The following PGM5 variants were observed in gnomAD, a reference collection of about 807,000 sequenced individuals.
The protein encoded by PGM5 is phosphoglucomutase-like protein 5.
PGM5 carries 23 observed loss-of-function variants against 59.2 expected under a neutral mutation model. The observed-to-expected ratio is 0.39, with a 90% CI of 0.28 to 0.55. PGM5 has a LOEUF of 0.55. Among genes scored for constraint, PGM5 ranks in the 20% least tolerant of loss-of-function variants. PGM5 has a pLI of 0.66. For missense variants in PGM5, 574 were observed against 748.3 expected (o/e 0.77, Z 2.72); for synonymous variants, 214 against 286.0 (o/e 0.75, Z 2.54).
At chr9:68,373,825 C>T (rs4014853) in intron 1 of PGM5, among the ~76,000 whole-genome samples, 2 of 152,040 alleles carry the variant, frequency 1.3e-5, no homozygotes, top group South Asian at 4.1e-4. Context: ...GGATGGGGAC[C>T]CAGTTTCCTT....
chr9:68,433,442 T>G (rs1823389929), intron 6 of PGM5, among the ~76,000 whole-genome samples: 1 of 152,250 alleles, frequency 6.6e-6, no homozygotes, highest in Non-Finnish European at 1.5e-5. Flanking sequence ...TAATTTTTTT[T>G]CTGATTAAGC....
At chr9:68,429,641 C>T (rs565015544) in intron 6 of PGM5, among the ~76,000 whole-genome samples, 36 of 152,294 alleles carry the variant, frequency 2.4e-4, no homozygotes, top group Middle Eastern at 3.4e-3. Flanking sequence ...TAGGGGGTGA[C>T]AAATATCCCC....
At chr9:68,509,692 G>T (rs1255618645) in intron 10 of PGM5, among the ~76,000 whole-genome samples, 1 of 104,858 alleles carries the variant, frequency 9.5e-6, no homozygotes, top group African/African-American at 2.9e-5. Context: ...CTCTGGGAAA[G>T]GTAAGGTAAA....
At chr9:68,492,472 G>A (rs1824408961) in intron 9 of PGM5, among the ~76,000 whole-genome samples, 1 of 152,184 alleles carries the variant, frequency 6.6e-6, no homozygotes, top group Admixed American at 6.5e-5. Flanking sequence ...GCAATTGTTA[G>A]CCCCCAAGAA....
chr9:68,360,283 G>A (rs1211997182), intron 1 of PGM5, among the ~76,000 whole-genome samples: 1 of 150,942 alleles, frequency 6.6e-6, no homozygotes, highest in Non-Finnish European at 1.5e-5. Flanking sequence ...ACATAAACAT[G>A]TATAAAAAAT....
chr9:68,396,887 A>T (rs1822519906), intron 6 of PGM5: 2 of 152,222 alleles, frequency 1.3e-5, no homozygotes, highest in Non-Finnish European at 2.9e-5. Context: ...CACAGTTGAG[A>T]TCCATTAAAT....
intron 6 of PGM5, chr9:68,398,626 T>G (rs1222806547): frequency 6.6e-6 from 1 of 152,242 alleles, no homozygotes; most frequent in Non-Finnish European, 1.5e-5. Context: ...TCCAACCTCC[T>G]GCTGGTGCCT....
intron 10 of PGM5, among the ~76,000 whole-genome samples, chr9:68,501,040 G>A (rs1464084487): frequency 1.3e-5 from 2 of 152,000 alleles, no homozygotes; most frequent in Non-Finnish European, 1.5e-5. Flanking sequence ...GTGAGTAAAG[G>A]AAACATAAGT....
intron 9 of PGM5, among the ~76,000 whole-genome samples, chr9:68,489,104 ATAT>A (rs1824345080): frequency 6.6e-6 from 1 of 152,152 alleles, no homozygotes; most frequent in Admixed American, 6.5e-5. Flanking sequence ...ACCCTAAAGA[ATAT>A]TATCAAGATT....
rs149417019 is a variant in PGM5 at position 68,437,225 on chromosome 9, T to A, written c.1044-27868T>A. On this transcript the variant is annotated intron_variant, in intron 6 of 10. Coordinates refer to ENST00000396396, the MANE Select transcript of PGM5 (RefSeq NM_021965.4). This position sits in a 1 kb window ranked among gnomAD's most constrained non-coding sequence, Gnocchi z 4.1. The stretch of plus-strand genomic sequence containing the variant: ...AATTCTTGGCAACATAGATTAATGA[T>A]CATTTTTGAGATTTTTCTCTCTTTT... 6.6e-6 allele frequency among the ~76,000 whole-genome samples: 1 copy of A among 152,294 alleles called. No individual in the cohort carries two copies. Among genetic ancestry groups the A allele is most frequent in the African/African-American group, 2.4e-5 (1 of 41,562 alleles).
At chr9:68,394,974 A>T (rs1554679845) in intron 6 of PGM5, among the ~76,000 whole-genome samples, 1 of 152,120 alleles carries the variant, frequency 6.6e-6, no homozygotes, top group African/African-American at 2.4e-5. Flanking sequence ...TTAAATTTTG[A>T]TGAAGTCCAG....
At chr9:68,481,866 C>A (rs952849526) in intron 8 of PGM5, among the ~76,000 whole-genome samples, 1 of 152,074 alleles carries the variant, frequency 6.6e-6, no homozygotes, top group Admixed American at 6.5e-5. Flanking sequence ...TTCCTTCAAC[C>A]CCCAGCAAAT....
intron 9 of PGM5, chr9:68,496,892 G>A (rs1397575615): frequency 6.6e-6 from 1 of 152,216 alleles, no homozygotes; most frequent in Admixed American, 6.5e-5. Context: ...TCTGCAACAG[G>A]TGGGTTAGGA....
At chr9:68,494,989 A>T (rs954175116) in intron 9 of PGM5, among the ~76,000 whole-genome samples, 1 of 152,216 alleles carries the variant, frequency 6.6e-6, no homozygotes, top group South Asian at 2.1e-4. Context: ...GTGCAGTGAC[A>T]TTCATTCAAC....
chr9:68,357,198 G>A lies in PGM5; in HGVS notation c.71G>A (p.Gly24Asp). ...APYEDQRPAGGGGLRRPTGLF... is the reference protein window; with the variant it reads ...APYEDQRPAGDGGLRRPTGLF... The stretch of plus-strand genomic sequence containing the variant: ...TACGAGGACCAGCGGCCGGCCGGCG[G>A]CGGGGGTCTGCGGCGACCCACCGGC... Residue 24 changes from glycine to aspartate, a missense_variant, in exon 1 of 11, where the codon GGC (glycine) becomes GAC (aspartate). Gly to Asp is a moderately conservative substitution (Grantham distance 94). This residue lies in a region of PGM5 where 60 missense variants were observed against 71.0 expected (regional missense o/e 0.85). Coordinates refer to ENST00000396396, the MANE Select transcript of PGM5 (RefSeq NM_021965.4). 6.5e-7 allele frequency: 1 copy of A among 1,539,828 alleles called. No individual in the cohort carries two copies. The highest frequency in any genetic ancestry group is 2.5e-5 in the East Asian group (1 of 40,810).
chr9:68,514,095 GC>G (rs1195792262), intron 10 of PGM5, among the ~76,000 whole-genome samples: 2 of 152,160 alleles, frequency 1.3e-5, no homozygotes, highest in African/African-American at 4.8e-5. Context: ...AGAATCTCGG[GC>G]CCCAACCCAG....
chr9:68,374,042 G>C (rs1241199880), intron 1 of PGM5, among the ~76,000 whole-genome samples: 2 of 152,424 alleles, frequency 1.3e-5, no homozygotes, highest in East Asian at 3.8e-4. Flanking sequence ...ATGCAAGGGT[G>C]GGTTGGAAAA....
chr9:68,469,135 C>T (rs1482087118), intron 7 of PGM5, among the ~76,000 whole-genome samples: 2 of 152,166 alleles, frequency 1.3e-5, no homozygotes, highest in African/African-American at 2.4e-5. Flanking sequence ...CCAGGCTGGT[C>T]TAAAACTCCT....
chr9:68,463,676 A>G (rs545613723), intron 6 of PGM5, among the ~76,000 whole-genome samples: 1 of 152,318 alleles, frequency 6.6e-6, no homozygotes, highest in South Asian at 2.1e-4. Context: ...GGAACAATAC[A>G]GTATATACAC....
Sources: allele counts gnomAD v4.1 joint callset (sites outside exome capture counted in the v4.1 genomes callset), GRCh38; gene constraint gnomAD v4.1.1; regional missense constraint gnomAD v4.1.1; non-coding constraint Gnocchi (gnomAD v3.1); transcripts MANE v1.5; gene names NCBI Gene and HGNC (gene_info 2026-07-23, HGNC 2026-07-21).